RGSL1: variants seen among roughly 807,000 people sequenced by gnomAD.
RGSL1 encodes regulator of G protein signaling like 1.
RGSL1 carries 97 observed loss-of-function variants against 124.7 expected under a neutral mutation model. That is an observed-to-expected ratio of 0.78 (90% CI 0.66 to 0.92). RGSL1 has a LOEUF of 0.92. Ranked by LOEUF, RGSL1 falls within the 40% of genes least tolerant of loss-of-function variation. The pLI is 0.00. For synonymous variants in RGSL1, 424 were observed against 438.1 expected (o/e 0.97, Z 0.40); for missense variants, 1,233 against 1,288.4 (o/e 0.96, Z 0.66).
At chr1:182,525,514 G>A (rs796173305) in intron 10 of RGSL1, among the ~76,000 whole-genome samples, 10 of 152,096 alleles carry the variant, frequency 6.6e-5, no homozygotes, top group African/African-American at 2.4e-4. Flanking sequence ...ATTTACTAGA[G>A]GCAATCAATA....
At chr1:182,527,092 C>A (rs1474927532) in intron 10 of RGSL1, among the ~76,000 whole-genome samples, 2 of 151,968 alleles carry the variant, frequency 1.3e-5, no homozygotes, top group South Asian at 4.2e-4. Flanking sequence ...AAATTGAAAT[C>A]ACAGAGGAGG....
Position 182,489,098 on chromosome 1 carries a change from A to G in RGSL1, c.1613A>G (p.Asp538Gly), listed in dbSNP as rs1655331023. ...CTAGAGTTAAGCCAGGCTTTGGCTG[A>G]CATGAAGGAAATGGACTATAGGCAG... Reference protein sequence around the residue: ...QSLELSQALADMKEMDYRQWR... With the variant: ...QSLELSQALAGMKEMDYRQWR... Residue 538 changes from aspartate to glycine, a missense_variant, in exon 8 of 22, where the codon GAC becomes GGC. Transcript: ENST00000294854. 6.4e-7 allele frequency: 1 copy of G among 1,551,724 alleles called. No individual in the cohort carries two copies. The highest frequency in any genetic ancestry group is 8.7e-7 in the Non-Finnish European group (1 of 1,147,000).
intron 17 of RGSL1, 66 bp downstream of exon 17, chr1:182,548,890 T>G: frequency 1.3e-6 from 2 of 1,524,292 alleles, no homozygotes; most frequent in South Asian, 2.5e-5. Context: ...GAGAGAGTTT[T>G]CTGCCTTCCT....
At chr1:182,473,091 G>A (rs958041321) in intron 5 of RGSL1, among the ~76,000 whole-genome samples, 6 of 152,122 alleles carry the variant, frequency 3.9e-5, no homozygotes, top group Admixed American at 3.9e-4. Context: ...AGATGATGAG[G>A]CATTCCTAAC....
intron 19 of RGSL1, 110 bp from the exon 20 acceptor site, chr1:182,554,517 G>A: frequency 1.2e-6 from 1 of 838,940 alleles, no homozygotes; most frequent in Non-Finnish European, 2.0e-6. Flanking sequence ...CCCCTACATT[G>A]GAGGTGTCCG....
intron 8 of RGSL1, among the ~76,000 whole-genome samples, chr1:182,491,470 C>T (rs1655519740): frequency 6.6e-6 from 1 of 152,108 alleles, no homozygotes; most frequent in South Asian, 2.1e-4. Flanking sequence ...CTGTCTCAGC[C>T]TCCCAAAGTG....
chr1:182,480,338 G>A (rs975147011), intron 6 of RGSL1, among the ~76,000 whole-genome samples: 17 of 152,106 alleles, frequency 1.1e-4, no homozygotes, highest in African/African-American at 4.1e-4. Flanking sequence ...GGCTGAGGTA[G>A]GAGGATCACT....
At chr1:182,465,824 A>T (rs954967602) in intron 4 of RGSL1, among the ~76,000 whole-genome samples, 8 of 152,140 alleles carry the variant, frequency 5.3e-5, no homozygotes, top group African/African-American at 1.9e-4. Flanking sequence ...TGAGGCCAGC[A>T]TTACCCTGAT....
At chr1:182,517,608 A>T (rs943454632) in intron 9 of RGSL1, among the ~76,000 whole-genome samples, 1 of 151,940 alleles carries the variant, frequency 6.6e-6, no homozygotes, top group Non-Finnish European at 1.5e-5. Flanking sequence ...TTTAAAATAG[A>T]CTGTCTTCAA....
chr1:182,481,378 C>T (rs568638135), intron 6 of RGSL1, among the ~76,000 whole-genome samples: 1 of 152,162 alleles, frequency 6.6e-6, no homozygotes, highest in East Asian at 1.9e-4. Flanking sequence ...TACAACTTAC[C>T]ATGACTAAGT....
chr1:182,487,117 A>T (rs1558289679), intron 6 of RGSL1, among the ~76,000 whole-genome samples: 1 of 152,200 alleles, frequency 6.6e-6, no homozygotes, highest in Non-Finnish European at 1.5e-5. Flanking sequence ...GCTCGGATTC[A>T]ATCACTGAAC....
At chr1:182,468,763 AAAAAT>A (rs965706726) in intron 4 of RGSL1, among the ~76,000 whole-genome samples, 1 of 152,082 alleles carries the variant, frequency 6.6e-6, no homozygotes, top group African/African-American at 2.4e-5. Flanking sequence ...AAAGTATAAT[AAAAAT>A]AAAATAAAAT....
intron 1 of RGSL1, among the ~76,000 whole-genome samples, chr1:182,450,830 TAAAC>T (rs1242488897): frequency 1.3e-5 from 2 of 152,098 alleles, no homozygotes; most frequent in Non-Finnish European, 2.9e-5. Context: ...CTATGAATGA[TAAAC>T]AAACAAAAGT....
chr1:182,467,204 T>C (rs374748178), intron 4 of RGSL1, among the ~76,000 whole-genome samples: 2 of 152,262 alleles, frequency 1.3e-5, no homozygotes, highest in African/African-American at 4.8e-5. Flanking sequence ...AGGTAATTTA[T>C]AGATTCAATG....
At chr1:182,549,883 G>A (rs1162065056) in intron 17 of RGSL1, 1 of 152,124 alleles carries the variant, frequency 6.6e-6, no homozygotes. Context: ...AGTTCTCCTA[G>A]CAAGGACTAA....
chr1:182,466,455 G>T (rs1409987421), intron 4 of RGSL1, among the ~76,000 whole-genome samples: 2 of 151,986 alleles, frequency 1.3e-5, no homozygotes, highest in African/African-American at 4.8e-5. Context: ...TTAGAACTAA[G>T]AAATGAATCC....
At chr1:182,494,882 G>A (rs1015187473) in intron 9 of RGSL1, among the ~76,000 whole-genome samples, 1 of 152,142 alleles carries the variant, frequency 6.6e-6, no homozygotes, top group Non-Finnish European at 1.5e-5. Context: ...TCTCATCTTC[G>A]TGGGACCCAT....
At chr1:182,536,602 A>C (rs534596908) in intron 14 of RGSL1, among the ~76,000 whole-genome samples, 44 of 152,312 alleles carry the variant, frequency 2.9e-4, no homozygotes, top group Non-Finnish European at 5.7e-4. Context: ...CCATTTTCAC[A>C]CTGCTAATAA....
chr1:182,488,424 T>G, intron 7 of RGSL1, 77 bp downstream of exon 7: 2 of 1,291,422 alleles, frequency 1.5e-6, no homozygotes, highest in Non-Finnish European at 2.2e-6. Context: ...TTAAAAGGGT[T>G]ATGTGTTAAA....
Sources: gnomAD v4.1 joint callset for allele counts (sites outside exome capture counted in the v4.1 genomes callset) on GRCh38, gnomAD v4.1.1 for gene constraint, MANE v1.5 for transcripts, NCBI Gene and HGNC (gene_info 2026-07-23, HGNC 2026-07-21) for gene names.